Variants in GPR158 observed in about 807,000 individuals in gnomAD.
GPR158 encodes G protein-coupled receptor 158.
GPR158 carries 30 observed loss-of-function variants against 78.2 expected under a neutral mutation model. The observed-to-expected ratio is 0.38, with a 90% CI of 0.29 to 0.52. The LOEUF is 0.52. Ranked by LOEUF, GPR158 falls within the 20% of genes least tolerant of loss-of-function variation. GPR158 has a pLI of 0.83. For synonymous variants in GPR158, 581 were observed against 591.1 expected (o/e 0.98, Z 0.25); for missense variants, 1,463 against 1,523.5 (o/e 0.96, Z 0.66).
At chr10:25,515,067 C>A (rs1054704711) in intron 5 of GPR158, among the ~76,000 whole-genome samples, 3 of 152,068 alleles carry the variant, frequency 2.0e-5, no homozygotes, top group Non-Finnish European at 4.4e-5. Context: ...AGATCTCTAA[C>A]AAGGCTGGGG....
intron 2 of GPR158, chr10:25,244,020 C>T (rs995164964): frequency 2.0e-5 from 3 of 152,000 alleles, no homozygotes; most frequent in Non-Finnish European, 2.9e-5. Flanking sequence ...TATTTCCAGG[C>T]TTTTAGGGGC....
intron 2 of GPR158, among the ~76,000 whole-genome samples, chr10:25,227,916 AAG>A (rs796512496): frequency 2.4e-4 from 37 of 152,344 alleles, no homozygotes; most frequent in African/African-American, 8.2e-4. Context: ...AGCAGTAAAA[AAG>A]AATTGTGCTC....
rs778861363 is a variant in GPR158, at chr10:25,596,709, A to G, written c.2065A>G (p.Met689Val). ...AGAAGCATATGAGGATGAGCTAGAC[A>G]TGGGCCGATCTGGATCCTACCTGAA... ...ATEAYEDELDMGRSGSYLNSS... is the reference protein window; with the variant it reads ...ATEAYEDELDVGRSGSYLNSS... Residue 689 changes from methionine (M) to valine (V), a missense_variant, in exon 10 of 11, where the codon ATG becomes GTG. Physicochemically the swap from Met to Val is conservative, Grantham distance 21. Coordinates refer to ENST00000376351, the MANE Select transcript of GPR158 (RefSeq NM_020752.3). 8 of 1,613,558 alleles carry G rather than the reference A, an allele frequency of 5.0e-6. No individual in the cohort carries two copies. The highest frequency in any genetic ancestry group is 1.3e-5 in the African/African-American group (1 of 74,898).
intron 2 of GPR158, among the ~76,000 whole-genome samples, chr10:25,320,927 T>C (rs1036282223): frequency 3.9e-5 from 6 of 152,218 alleles, no homozygotes; most frequent in Non-Finnish European, 8.8e-5. Context: ...GAGAAAATCA[T>C]GAATTTGCAT....
chr10:25,328,927 CAAAAAAAAA>C (rs3054026), intron 2 of GPR158, among the ~76,000 whole-genome samples: 3 of 89,076 alleles, frequency 3.4e-5, no homozygotes, highest in Non-Finnish European at 2.0e-5. Flanking sequence ...AACTTCATCA[CAAAAAAAAA>C]AAAAAAAAAA....
At chr10:25,277,851 G>A (rs879826707) in intron 2 of GPR158, among the ~76,000 whole-genome samples, 6 of 152,176 alleles carry the variant, frequency 3.9e-5, no homozygotes, top group Non-Finnish European at 7.3e-5. Context: ...GAACTTTCTT[G>A]AGAATTTGCA....
intron 2 of GPR158, among the ~76,000 whole-genome samples, chr10:25,303,303 A>G (rs1854625944): frequency 6.6e-6 from 1 of 152,188 alleles, no homozygotes; most frequent in Non-Finnish European, 1.5e-5. Flanking sequence ...TGGCTACTGT[A>G]TTGGACAGCC....
chr10:25,452,960 C>A (rs1176733119), intron 4 of GPR158, among the ~76,000 whole-genome samples: 1 of 152,184 alleles, frequency 6.6e-6, no homozygotes, highest in Non-Finnish European at 1.5e-5. Context: ...GATTTCACAT[C>A]TGAGTGAGAT....
At chr10:25,516,574 CA>C (rs1490442078) in intron 5 of GPR158, among the ~76,000 whole-genome samples, 1 of 127,720 alleles carries the variant, frequency 7.8e-6, no homozygotes, top group African/African-American at 3.1e-5. Context: ...GATCCAGTTT[CA>C]GCTTTCTCCA....
intron 2 of GPR158, among the ~76,000 whole-genome samples, chr10:25,380,755 G>A (rs1032868630): frequency 3.9e-5 from 6 of 152,030 alleles, no homozygotes; most frequent in South Asian, 4.1e-4. Context: ...TATAAGAAAC[G>A]GATTCAAGGA....
chr10:25,504,899 T>C (rs146051662), intron 5 of GPR158, among the ~76,000 whole-genome samples: 2 of 152,320 alleles, frequency 1.3e-5, no homozygotes, highest in Non-Finnish European at 2.9e-5. Flanking sequence ...TTGAGAGCAG[T>C]TGCAGTTCAG....
At chr10:25,392,244 C>G (rs1834309328) in intron 2 of GPR158, among the ~76,000 whole-genome samples, 1 of 152,198 alleles carries the variant, frequency 6.6e-6, no homozygotes, top group Non-Finnish European at 1.5e-5. Context: ...AGTGCCCTTG[C>G]CAGTGCCTAG....
intron 4 of GPR158, among the ~76,000 whole-genome samples, chr10:25,420,822 G>T (rs1314090586): frequency 6.6e-6 from 1 of 152,104 alleles, no homozygotes; most frequent in African/African-American, 2.4e-5. Flanking sequence ...CCGTTGGTCT[G>T]TGTGCCCCTC....
At chr10:25,570,680 C>T (rs1033076965) in intron 6 of GPR158, among the ~76,000 whole-genome samples, 10 of 152,050 alleles carry the variant, frequency 6.6e-5, no homozygotes, top group Admixed American at 5.9e-4. Context: ...TTTGGGAGGC[C>T]GAGGCGGGCA....
intron 2 of GPR158, among the ~76,000 whole-genome samples, chr10:25,241,409 C>T (rs2807229): frequency 1.9e-3 from 203 of 108,042 alleles, no homozygotes; most frequent in East Asian, 4.9e-3. Context: ...CTCTTCTCTT[C>T]TCTTTTCTTT....
In GPR158 at chr10:25,396,586, C is replaced by G. The variant is rs749888097; in HGVS notation, c.1111+573C>G. Among the ~76,000 whole-genome samples, 20 of 152,050 alleles carry G rather than the reference C, an allele frequency of 1.3e-4. No individual in the cohort carries two copies. The South Asian group carries it at 1.5e-3, about 11-fold the overall frequency. On this transcript the variant is annotated intron_variant, in intron 3 of 10. Coordinates refer to ENST00000376351, the MANE Select transcript of GPR158 (RefSeq NM_020752.3). ...GGCTGAGGTGGGAGGATCGCTTGAG[C>G]TCAGGAGTTCAAAACCAGCCTGGAC...
At chr10:25,236,070 G>A (rs1390213120) in intron 2 of GPR158, among the ~76,000 whole-genome samples, 1 of 152,072 alleles carries the variant, frequency 6.6e-6, no homozygotes, top group Non-Finnish European at 1.5e-5. Context: ...ATTTATAATT[G>A]TTTGTTTGTA....
chr10:25,480,554 T>C (rs2130635563), intron 5 of GPR158, among the ~76,000 whole-genome samples: 1 of 152,152 alleles, frequency 6.6e-6, no homozygotes, highest in Non-Finnish European at 1.5e-5. Context: ...TATTGCCTTT[T>C]CCAGGGCCTT....
intron 2 of GPR158, among the ~76,000 whole-genome samples, chr10:25,282,261 A>G (rs1854286131): frequency 6.6e-6 from 1 of 152,202 alleles, no homozygotes; most frequent in Admixed American, 6.5e-5. Flanking sequence ...TCTTTTATTT[A>G]TCATAATCCA....
Sources: allele counts gnomAD v4.1 joint callset (sites outside exome capture counted in the v4.1 genomes callset), GRCh38; gene constraint gnomAD v4.1.1; transcripts MANE v1.5; gene names NCBI Gene and HGNC (gene_info 2026-07-23, HGNC 2026-07-21).